MAP7D2: variants seen among roughly 807,000 people sequenced by gnomAD.
MAP7D2 encodes the protein MAP7 domain-containing protein 2.
In MAP7D2, 33 loss-of-function variants were observed where a neutral mutation model predicts 63.5. The ratio of observed to expected loss-of-function variants is 0.52; its 90% CI spans 0.39 to 0.70. MAP7D2 has a LOEUF of 0.70. MAP7D2 is among the 30% of genes least tolerant of loss of function. The pLI is 0.00. For missense variants in MAP7D2, 626 were observed against 604.0 expected, an observed-to-expected ratio of 1.04 and a Z score of -0.38; for synonymous variants, 224 against 223.7, an observed-to-expected ratio of 1.00 and a Z score of -0.01.
chrX:20,031,291 AAAAATAAAATAAAAT>A (rs55901756), intron 8 of MAP7D2, among the ~76,000 whole-genome samples: 1,976 of 85,284 alleles, frequency 0.023, 17 homozygotes, highest in African/African-American at 0.028. Flanking sequence ...CACCATCTCG[AAAAATAAAATAAAAT>A]AAAATAAAAT....
At chrX:20,028,651 G>A (rs1024877424) in intron 8 of MAP7D2, among the ~76,000 whole-genome samples, 2 of 111,465 alleles carry the variant, frequency 1.8e-5, no homozygotes, top group Non-Finnish European at 3.8e-5. Flanking sequence ...GGTGAGTGGC[G>A]CCCACAGTAG....
intron 1 of MAP7D2, among the ~76,000 whole-genome samples, chrX:20,114,887 T>A (rs1045360487): frequency 3.6e-5 from 4 of 112,093 alleles, no homozygotes; most frequent in Non-Finnish European, 7.5e-5. Flanking sequence ...ATGATCAGTA[T>A]CCAGGACAGA....
At chrX:20,081,437 T>G (rs1015347375) in intron 1 of MAP7D2, among the ~76,000 whole-genome samples, 3 of 112,070 alleles carry the variant, frequency 2.7e-5, no homozygotes, top group African/African-American at 9.7e-5. Context: ...CTCTTGAGTA[T>G]GAGCAAGCCA....
intron 1 of MAP7D2, among the ~76,000 whole-genome samples, chrX:20,082,695 C>T (rs555170745): frequency 8.9e-6 from 1 of 112,215 alleles, no homozygotes. Flanking sequence ...ATGGCGCGAT[C>T]TCGGCTCACT....
chrX:20,066,068 G>A (rs2065354097), intron 1 of MAP7D2, among the ~76,000 whole-genome samples: 2 of 109,991 alleles, frequency 1.8e-5, no homozygotes, highest in African/African-American at 6.6e-5. Context: ...GACTACAGGC[G>A]CCCGCCACCG....
At chrX:20,055,108 G>A (rs1469210080) in intron 4 of MAP7D2, among the ~76,000 whole-genome samples, 3 of 110,154 alleles carry the variant, frequency 2.7e-5, no homozygotes. Flanking sequence ...GTTGAAGATG[G>A]ATTGAATTTC....
At chrX:20,021,489 G>C (rs2073639872) in intron 10 of MAP7D2, 1 of 112,082 alleles carries the variant, frequency 8.9e-6, no homozygotes, top group Admixed American at 9.5e-5. Flanking sequence ...GCCCCAGGTT[G>C]TCTGGTACTT....
chrX:20,111,289 G>T (rs2066735707), intron 1 of MAP7D2, among the ~76,000 whole-genome samples: 1 of 111,722 alleles, frequency 9.0e-6, no homozygotes, highest in East Asian at 2.8e-4. Context: ...ATTACTGTCT[G>T]GGAAGCTAAA....
At chrX:20,088,309 TTG>T (rs2065968521) in intron 1 of MAP7D2, among the ~76,000 whole-genome samples, 1 of 105,478 alleles carries the variant, frequency 9.5e-6, no homozygotes. Flanking sequence ...TTTTTTTTTT[TTG>T]AGACGGAGTC....
At chrX:20,031,369 T>C (rs2074045628) in intron 8 of MAP7D2, among the ~76,000 whole-genome samples, 1 of 109,085 alleles carries the variant, frequency 9.2e-6, no homozygotes, top group Non-Finnish European at 1.9e-5. Flanking sequence ...AAAGAATGGC[T>C]GAGGAACTGT....
At chrX:20,032,492 C>A (rs1046973696) in intron 8 of MAP7D2, among the ~76,000 whole-genome samples, 1 of 111,347 alleles carries the variant, frequency 9.0e-6, no homozygotes, top group Non-Finnish European at 1.9e-5. Context: ...TGGGAGGGAG[C>A]CTTCCACGGG....
At chrX:20,034,763 C>T (rs1204153353) in intron 8 of MAP7D2, among the ~76,000 whole-genome samples, 1 of 111,973 alleles carries the variant, frequency 8.9e-6, no homozygotes, top group Non-Finnish European at 1.9e-5. Flanking sequence ...AGAAATACAT[C>T]TCTGTTGTTT....
intron 1 of MAP7D2, among the ~76,000 whole-genome samples, chrX:20,068,066 C>T (rs953475836): frequency 2.7e-5 from 3 of 112,361 alleles, no homozygotes; most frequent in African/African-American, 6.5e-5. Flanking sequence ...TGCCACAATG[C>T]ATGGCCGTCT....
rs746948294 is a variant in MAP7D2, at chrX:20,007,108, T to C, written c.*1317A>G. On this transcript the variant is annotated 3_prime_UTR_variant, in exon 17 of 17. Coordinates refer to ENST00000379643, the MANE Select transcript of MAP7D2 (RefSeq NM_001168465.2). ...TGCCGAGATGGACAGCACCGCATTA[T>C]GTGGAGGCATGTACTTTATTGAGTA... The C allele has an allele frequency of 2.6e-4, 29 of 112,179 alleles. No individual in the cohort carries two copies. Among genetic ancestry groups the C allele is most frequent in the Non-Finnish European group, 4.5e-4 (24 of 53,287 alleles). 9.2% of individuals were successfully genotyped at this position (112,179 alleles called of 1,213,427 possible).
intron 10 of MAP7D2, among the ~76,000 whole-genome samples, chrX:20,024,203 C>T (rs1270784052): frequency 1.8e-5 from 2 of 112,020 alleles, no homozygotes; most frequent in African/African-American, 6.5e-5. Flanking sequence ...ACATGCTTTC[C>T]TCTCTAAATA....
At chrX:20,061,566 C>T (rs1312850947) in intron 3 of MAP7D2, among the ~76,000 whole-genome samples, 1 of 112,268 alleles carries the variant, frequency 8.9e-6, no homozygotes, top group East Asian at 2.8e-4. Context: ...GTCGGTCGGG[C>T]AGCCTCCTGC....
intron 3 of MAP7D2, among the ~76,000 whole-genome samples, chrX:20,059,478 C>T (rs1398287343): frequency 9.0e-6 from 1 of 111,196 alleles, no homozygotes; most frequent in Non-Finnish European, 1.9e-5. Context: ...CAATTCCTGC[C>T]AAGTTCTGGT....
At chrX:20,109,260 G>A (rs1309409603) in intron 1 of MAP7D2, among the ~76,000 whole-genome samples, 5 of 109,926 alleles carry the variant, frequency 4.5e-5, no homozygotes, top group Non-Finnish European at 9.5e-5. Flanking sequence ...GGTGGCTCAC[G>A]CCTATAATCC....
chrX:20,096,504 GA>G (rs1181522787), intron 1 of MAP7D2, among the ~76,000 whole-genome samples: 2 of 109,095 alleles, frequency 1.8e-5, no homozygotes, highest in African/African-American at 6.7e-5. Flanking sequence ...AATGAACCTT[GA>G]GGATATTATG....
Sources: gnomAD v4.1 joint callset for allele counts (sites outside exome capture counted in the v4.1 genomes callset) on GRCh38, gnomAD v4.1.1 for gene constraint, MANE v1.5 for transcripts, NCBI Gene and HGNC (gene_info 2026-07-23, HGNC 2026-07-21) for gene names.